The following NCKAP5 variants were observed in gnomAD, a reference collection of about 807,000 sequenced individuals.
NCKAP5 encodes the protein nck-associated protein 5.
Under a neutral mutation model 167.0 loss-of-function variants are expected in NCKAP5, and 92 were observed. The ratio of observed to expected loss-of-function variants is 0.55; its 90% confidence interval spans 0.47 to 0.66. The LOEUF is 0.66. NCKAP5 is among the 30% of genes least tolerant of loss of function. The probability of loss-of-function intolerance (pLI) is 0.00; values close to 1 mark genes in which losing one functional copy is unlikely to be tolerated. For synonymous variants in NCKAP5, 891 were observed against 877.4 expected (o/e 1.02, Z -0.27); for missense variants, 2,378 against 2,315.0 (o/e 1.03, Z -0.56).
intron 4 of NCKAP5, chr2:133,264,907 C>CA (rs2089110669): frequency 1.3e-5 from 2 of 152,120 alleles, no homozygotes; most frequent in African/African-American, 4.8e-5. Context: ...AAACAAAAAA[C>CA]AAACAAAACC....
chr2:132,926,991 T>C (rs150779838), intron 8 of NCKAP5, among the ~76,000 whole-genome samples: 40 of 152,348 alleles, frequency 2.6e-4, no homozygotes, highest in African/African-American at 9.1e-4. Flanking sequence ...ATTCTAGTTA[T>C]TTTAATAGTT....
intron 3 of NCKAP5, among the ~76,000 whole-genome samples, chr2:133,475,716 T>C (rs1454362302): frequency 2.0e-5 from 3 of 152,320 alleles, no homozygotes; most frequent in African/African-American, 7.2e-5. Context: ...AGAAAAATGT[T>C]AGTCCAAGCT....
chr2:133,405,834 A>G (rs577090355), intron 3 of NCKAP5, among the ~76,000 whole-genome samples: 1 of 152,322 alleles, frequency 6.6e-6, no homozygotes, highest in South Asian at 2.1e-4. Context: ...ACAAACCCCA[A>G]TCTAATCCCC....
At chr2:133,605,166 A>G in the NCKAP5 span, among the ~76,000 whole-genome samples, 1 of 152,168 alleles carries the variant, frequency 6.6e-6, no homozygotes, top group African/African-American at 2.4e-5. Flanking sequence ...TCACCAAATA[A>G]GCTGGACTTG....
intron 3 of NCKAP5, among the ~76,000 whole-genome samples, chr2:133,470,884 C>T (rs530059804): frequency 3.9e-4 from 59 of 152,348 alleles, no homozygotes; most frequent in South Asian, 1.9e-3. Flanking sequence ...GCATGGTGCG[C>T]GCACCCACTG....
chr2:133,654,340 T>C, the NCKAP5 span, among the ~76,000 whole-genome samples: 4 of 151,806 alleles, frequency 2.6e-5, no homozygotes, highest in Non-Finnish European at 5.9e-5. Context: ...ATCGCACCAC[T>C]GCACTCCAGC....
At chr2:132,851,841 G>A (rs936884977) in intron 11 of NCKAP5, among the ~76,000 whole-genome samples, 2 of 152,172 alleles carry the variant, frequency 1.3e-5, no homozygotes, top group African/African-American at 4.8e-5. Context: ...TTAGACCAGT[G>A]CACCCTCGTG....
intron 3 of NCKAP5, among the ~76,000 whole-genome samples, chr2:133,512,224 T>G (rs1287809764): frequency 6.6e-6 from 1 of 152,230 alleles, no homozygotes; most frequent in Non-Finnish European, 1.5e-5. Flanking sequence ...TTCTAAATAT[T>G]TAGAAAAATG....
In NCKAP5 at chr2:133,302,975, G is replaced by A. The variant is rs796776368; in HGVS notation, c.143+62C>T. The A allele has an allele frequency of 1.1e-5, 13 of 1,142,976 alleles. 1 individual carries two copies. The African/African-American group carries it at 1.5e-4, about 13-fold the overall frequency. 70.8% of individuals were successfully genotyped at this position (1,142,976 alleles called of 1,614,324 possible). A position where few individuals can be genotyped will look rare whatever the true frequency, so the allele number is the denominator to read the frequency against. On this transcript the variant is annotated intron_variant, in intron 4 of 19. Coordinates refer to ENST00000409261, the MANE Select transcript of NCKAP5 (RefSeq NM_207363.3). ...TCTGTAGTCTAACTGAAATATTTTA[G>A]ATCAGCAAAGCTATAAAGGATGCTA...
chr2:133,625,126 C>T, the NCKAP5 span, among the ~76,000 whole-genome samples: 1 of 152,144 alleles, frequency 6.6e-6, no homozygotes, highest in African/African-American at 2.4e-5. Flanking sequence ...GAGACTATTG[C>T]ATGTGTATTG....
At chr2:133,619,935 T>A in the NCKAP5 span, among the ~76,000 whole-genome samples, 805 of 152,208 alleles carry the variant, frequency 5.3e-3, 2 homozygotes, top group African/African-American at 0.019. Flanking sequence ...CTACAAGGGA[T>A]TGGGGTCCTA....
chr2:132,756,733 T>C (rs1157356341), intron 16 of NCKAP5, among the ~76,000 whole-genome samples: 2 of 152,178 alleles, frequency 1.3e-5, no homozygotes, highest in Non-Finnish European at 2.9e-5. Flanking sequence ...GGAAATGACA[T>C]CTTTGGAAAT....
intron 2 of NCKAP5, chr2:133,558,320 C>T (rs569464859): frequency 2.8e-4 from 42 of 151,414 alleles, no homozygotes; most frequent in Admixed American, 2.0e-3. Context: ...AGGAGGAGGA[C>T]GAGCAGTAGA....
chr2:133,111,065 T>C (rs1421934639), intron 6 of NCKAP5, among the ~76,000 whole-genome samples: 2 of 152,102 alleles, frequency 1.3e-5, no homozygotes, highest in African/African-American at 4.8e-5. Context: ...TTAACCTTAA[T>C]TACCTCCCTA....
At chr2:133,605,236 C>G in the NCKAP5 span, among the ~76,000 whole-genome samples, 1 of 152,302 alleles carries the variant, frequency 6.6e-6, no homozygotes, top group Middle Eastern at 3.4e-3. Flanking sequence ...GGCCTCCTTG[C>G]TCGCTTTAAA....
intron 4 of NCKAP5, among the ~76,000 whole-genome samples, chr2:133,265,352 A>T (rs2089141891): frequency 6.6e-6 from 1 of 151,992 alleles, no homozygotes; most frequent in Non-Finnish European, 1.5e-5. Context: ...ACTTAACCTG[A>T]GATGAGGATG....
chr2:133,427,005 T>C (rs904471936), intron 3 of NCKAP5, among the ~76,000 whole-genome samples: 2 of 152,328 alleles, frequency 1.3e-5, no homozygotes, highest in South Asian at 4.1e-4. Context: ...TCAGCAAATT[T>C]TCCCTGCAGC....
intron 9 of NCKAP5, among the ~76,000 whole-genome samples, chr2:132,876,721 C>T (rs1267789136): frequency 6.6e-6 from 1 of 152,156 alleles, no homozygotes; most frequent in Non-Finnish European, 1.5e-5. Flanking sequence ...TCTTTGGCAA[C>T]AGTTAATTTT....
chr2:132,957,068 A>G (rs181639832), intron 8 of NCKAP5, among the ~76,000 whole-genome samples: 95 of 152,302 alleles, frequency 6.2e-4, no homozygotes, highest in Non-Finnish European at 1.1e-3. Flanking sequence ...ATGACTCTCA[A>G]ATCCATATCT....
Sources: gnomAD v4.1 joint callset for allele counts (sites outside exome capture counted in the v4.1 genomes callset) on GRCh38, gnomAD v4.1.1 for gene constraint, MANE v1.5 for transcripts, NCBI Gene and HGNC (gene_info 2026-07-23, HGNC 2026-07-21) for gene names.